SORCS3: variants seen among roughly 807,000 people sequenced by gnomAD.
SORCS3 encodes the protein VPS10 domain-containing receptor SorCS3.
In SORCS3, 57 loss-of-function variants were observed where a neutral mutation model predicts 146.3. The ratio of observed to expected loss-of-function variants is 0.39; its 90% confidence interval spans 0.31 to 0.49. The LOEUF (loss-of-function observed/expected upper bound fraction) is 0.49. SORCS3 is among the 20% of genes least tolerant of loss of function. The pLI is 0.92. For synonymous variants in SORCS3, 653 were observed against 618.5 expected, an observed-to-expected ratio of 1.06 and a Z score of -0.83; for missense variants, 1,341 against 1,575.5, an observed-to-expected ratio of 0.85 and a Z score of 2.52.
At position 104,671,448 on chromosome 10, in the gene SORCS3, C is replaced by A. The variant is rs143211093; in HGVS notation, c.627+29494C>A. On this transcript the variant is annotated intron_variant, in intron 1 of 26. Coordinates refer to ENST00000369701, the MANE Select transcript of SORCS3 (RefSeq NM_014978.3). The stretch of plus-strand genomic sequence containing the variant: ...CTTCCAGGTTCAAGCAATCCTATTA[C>A]CTCAGTCTCCCAAGTATCTGGGACT... 2.8e-5 allele frequency among the ~76,000 whole-genome samples: 4 copies of A among 143,356 alleles called. No individual in the cohort carries two copies. The East Asian group carries it at 8.9e-4, about 32-fold the overall frequency. 94.0% of individuals were successfully genotyped at this position (143,356 alleles called of 152,430 possible).
At chr10:105,152,761 A>G (rs2056176530) in intron 9 of SORCS3, among the ~76,000 whole-genome samples, 1 of 152,216 alleles carries the variant, frequency 6.6e-6, no homozygotes, top group African/African-American at 2.4e-5. Flanking sequence ...ACAGTCGTAA[A>G]CAACTTATAT....
Position 104,973,203 on chromosome 10 carries a change from G to C in SORCS3, c.796-4132G>C, listed in dbSNP as rs200135449. Among the ~76,000 whole-genome samples the C allele has an allele frequency of 2.0e-5, 3 of 152,242 alleles. No individual in the cohort carries two copies. In the East Asian group the frequency reaches 5.8e-4, roughly 29 times the overall value. ...CAGCTTTGGTATGAGGATGATGCTG[G>C]CCTCATAAAATGAGTTAGGGAGGAT... On this transcript the variant is annotated intron_variant, in intron 3 of 26. Transcript: ENST00000369701.
intron 3 of SORCS3, among the ~76,000 whole-genome samples, chr10:104,959,937 G>C (rs1407594302): frequency 6.6e-6 from 1 of 152,128 alleles, no homozygotes; most frequent in Non-Finnish European, 1.5e-5. Flanking sequence ...TTCCTGCATG[G>C]GTGAACGGAC....
intron 2 of SORCS3, among the ~76,000 whole-genome samples, chr10:104,855,138 C>A (rs1017058963): frequency 1.3e-5 from 2 of 152,290 alleles, no homozygotes; most frequent in Middle Eastern, 3.4e-3. Flanking sequence ...ATCAGTTGTA[C>A]ATATTTATAT....
At chr10:104,989,795 A>G (rs1366627061) in intron 4 of SORCS3, among the ~76,000 whole-genome samples, 2 of 152,226 alleles carry the variant, frequency 1.3e-5, no homozygotes, top group Non-Finnish European at 2.9e-5. Flanking sequence ...ATGGGCTGTA[A>G]TAGTGGCTGT....
chr10:104,915,147 A>G (rs2019011798), intron 2 of SORCS3, among the ~76,000 whole-genome samples: 1 of 152,112 alleles, frequency 6.6e-6, no homozygotes, highest in South Asian at 2.1e-4. Context: ...GGCATAGGTC[A>G]GTGTGCTGGA....
Position 104,927,716 on chromosome 10 carries a change from TA to T in SORCS3, c.795+11788del, listed in dbSNP as rs531947903. On this transcript the variant is annotated intron_variant, in intron 3 of 26. Coordinates refer to ENST00000369701, the MANE Select transcript of SORCS3 (RefSeq NM_014978.3). ...CAACATGGTGAAACCAAGTCTCTAC[TA>T]AAAGTACAAAATTAGCCAGGCGTGG... Among the ~76,000 whole-genome samples, 248 of 106,554 alleles carry T rather than the reference TA, an allele frequency of 2.3e-3. 3 individuals are homozygous for T. Among genetic ancestry groups the T allele is most frequent in the South Asian group, 7.0e-3 (26 of 3,740 alleles). The allele number at this position is 106,554 out of a possible 152,430, so 69.9% of individuals were successfully genotyped here.
At chr10:105,085,545 T>G (rs1275692454) in intron 5 of SORCS3, among the ~76,000 whole-genome samples, 3 of 152,140 alleles carry the variant, frequency 2.0e-5, no homozygotes, top group Non-Finnish European at 2.9e-5. Flanking sequence ...ATAATTAGGG[T>G]CTCTGGCCTT....
At chr10:105,019,407 A>G (rs2055186218) in intron 4 of SORCS3, among the ~76,000 whole-genome samples, 1 of 151,786 alleles carries the variant, frequency 6.6e-6, no homozygotes, top group Non-Finnish European at 1.5e-5. Context: ...TAGCATTTCT[A>G]CTTCTCTTCA....
At chr10:104,704,880 A>C (rs148226521) in intron 1 of SORCS3, among the ~76,000 whole-genome samples, 1 of 151,908 alleles carries the variant, frequency 6.6e-6, no homozygotes. Context: ...CTCCCCCTCT[A>C]CTTTGCCTTG....
chr10:104,962,082 T>G (rs1020297816), intron 3 of SORCS3, among the ~76,000 whole-genome samples: 1 of 152,014 alleles, frequency 6.6e-6, no homozygotes, highest in Non-Finnish European at 1.5e-5. Context: ...TTCAATGTGA[T>G]TATGAATTTG....
At chr10:105,030,060 T>C (rs1394015931) in intron 4 of SORCS3, among the ~76,000 whole-genome samples, 1 of 152,194 alleles carries the variant, frequency 6.6e-6, no homozygotes, top group Non-Finnish European at 1.5e-5. Flanking sequence ...AGACTGAGAT[T>C]GAGGAATTTA....
chr10:105,037,052 C>T lies in SORCS3; in HGVS notation c.955-6003C>T, dbSNP rs373240744. Among the ~76,000 whole-genome samples, 11 of 152,196 alleles carry T rather than the reference C, an allele frequency of 7.2e-5. No individual in the cohort carries two copies. In the East Asian group the frequency reaches 9.6e-4, roughly 13 times the overall value. On this transcript the variant is annotated intron_variant, in intron 4 of 26. Coordinates refer to ENST00000369701, the MANE Select transcript of SORCS3 (RefSeq NM_014978.3). Reference sequence around the variant, plus strand: ...AACACTGAAAGATCCCATGAAGTCACATTTTGTTGCCTCTTCTGACTAAGT... The same window carrying T: ...AACACTGAAAGATCCCATGAAGTCATATTTTGTTGCCTCTTCTGACTAAGT...
At chr10:104,916,180 C>T (rs969654908) in intron 3 of SORCS3, among the ~76,000 whole-genome samples, 4 of 152,162 alleles carry the variant, frequency 2.6e-5, no homozygotes, top group East Asian at 1.9e-4. Flanking sequence ...TCTCAGTTAT[C>T]GTTACAATGA....
At chr10:104,648,180 C>T (rs2015517186) in intron 1 of SORCS3, among the ~76,000 whole-genome samples, 1 of 152,204 alleles carries the variant, frequency 6.6e-6, no homozygotes, top group Non-Finnish European at 1.5e-5. Context: ...GGACATACTA[C>T]AGGAATTTGA....
At chr10:104,778,661 C>T (rs538726269) in intron 1 of SORCS3, among the ~76,000 whole-genome samples, 12 of 152,316 alleles carry the variant, frequency 7.9e-5, no homozygotes, top group East Asian at 1.9e-4. Flanking sequence ...TGAGACCCAA[C>T]GGTCGTCAAC....
chr10:104,739,993 G>C (rs1006203278), intron 1 of SORCS3, among the ~76,000 whole-genome samples: 2 of 152,150 alleles, frequency 1.3e-5, no homozygotes, highest in African/African-American at 4.8e-5. Context: ...TGGTGAACAG[G>C]AAAGACCTGG....
chr10:104,891,755 G>A lies in SORCS3; in HGVS notation c.696-24078G>A, dbSNP rs118039015. Among the ~76,000 whole-genome samples the A allele has an allele frequency of 2.2e-3, 333 of 152,150 alleles. 9 individuals carry two copies. In the East Asian group the frequency reaches 0.052, roughly 24 times the overall value. On this transcript the variant is annotated intron_variant, in intron 2 of 26. Coordinates refer to ENST00000369701, the MANE Select transcript of SORCS3 (RefSeq NM_014978.3). ...TTTATTTTATATCTGATAAAACTGA[G>A]GTCCAAAAAAGTGAGTTGTTGCCTA... is the stretch of plus-strand genomic sequence containing the variant.
intron 1 of SORCS3, among the ~76,000 whole-genome samples, chr10:104,808,510 G>C (rs923063237): frequency 5.1e-4 from 78 of 152,280 alleles, no homozygotes; most frequent in Middle Eastern, 6.8e-3. Context: ...TGAAGGATAG[G>C]CATTCACCTG....
Sources: allele counts gnomAD v4.1 joint callset (sites outside exome capture counted in the v4.1 genomes callset), GRCh38; gene constraint gnomAD v4.1.1; transcripts MANE v1.5; gene names NCBI Gene and HGNC (gene_info 2026-07-23, HGNC 2026-07-21).